Variants in SLC23A2 observed in about 807,000 individuals in gnomAD.
SLC23A2 encodes the protein solute carrier family 23 member 2.
A neutral mutation model predicts 73.3 loss-of-function variants in SLC23A2; 36 were observed. The observed-to-expected ratio is 0.49, with a 90% CI of 0.38 to 0.65. SLC23A2 has a LOEUF of 0.65. SLC23A2 is among the 30% of genes least tolerant of loss of function. The pLI is 0.00. For synonymous variants in SLC23A2, 343 were observed against 327.3 expected (o/e 1.05, Z -0.52); for missense variants, 507 against 841.6 (o/e 0.60, Z 4.92).
intron 2 of SLC23A2, among the ~76,000 whole-genome samples, chr20:4,940,829 G>T (rs1046754399): frequency 6.6e-6 from 1 of 152,168 alleles, no homozygotes; most frequent in African/African-American, 2.4e-5. Flanking sequence ...GACTTGGGGG[G>T]GCGGTCAATG....
intron 4 of SLC23A2, among the ~76,000 whole-genome samples, chr20:4,911,249 G>A (rs535564664): frequency 2.1e-4 from 32 of 152,262 alleles, no homozygotes; most frequent in Non-Finnish European, 3.4e-4. Context: ...TTGGAACCCC[G>A]CACTTCTGGA....
chr20:4,865,746 C>T (rs566633254), intron 13 of SLC23A2, among the ~76,000 whole-genome samples: 3 of 152,296 alleles, frequency 2.0e-5, no homozygotes, highest in East Asian at 1.9e-4. Flanking sequence ...CAACCACAGA[C>T]GCTTAACTCC....
At chr20:4,992,050 C>G (rs2087934385) in intron 1 of SLC23A2, among the ~76,000 whole-genome samples, 2 of 152,036 alleles carry the variant, frequency 1.3e-5, no homozygotes, top group East Asian at 3.9e-4. Flanking sequence ...GCAGAGGTTG[C>G]AGTGAGCCGA....
chr20:4,897,488 G>A (rs567694970), intron 6 of SLC23A2, among the ~76,000 whole-genome samples: 18 of 152,256 alleles, frequency 1.2e-4, no homozygotes, highest in South Asian at 8.3e-4. Flanking sequence ...GGCATGGGGC[G>A]CACAGACACG....
At chr20:4,971,561 C>G (rs112673280) in intron 1 of SLC23A2, among the ~76,000 whole-genome samples, 1 of 148,990 alleles carries the variant, frequency 6.7e-6, no homozygotes, top group African/African-American at 2.5e-5. Context: ...ATGGGAGGAT[C>G]ACTTGAGGCC....
At chr20:4,950,731 A>C (rs900337718) in intron 2 of SLC23A2, among the ~76,000 whole-genome samples, 6 of 151,980 alleles carry the variant, frequency 3.9e-5, no homozygotes, top group African/African-American at 1.4e-4. Context: ...CAAATCCAGA[A>C]AGGGAACTCG....
At chr20:4,897,551 A>G (rs1413299014) in intron 6 of SLC23A2, among the ~76,000 whole-genome samples, 1 of 152,308 alleles carries the variant, frequency 6.6e-6, no homozygotes, top group African/African-American at 2.4e-5. Context: ...CCATCCCAGT[A>G]GGGTGTCAAA....
chr20:4,888,050 T>C (rs866214515), intron 6 of SLC23A2, among the ~76,000 whole-genome samples: 40 of 152,216 alleles, frequency 2.6e-4, no homozygotes, highest in African/African-American at 8.7e-4. Context: ...CCTGTCGTAC[T>C]CATGTGACCA....
intron 1 of SLC23A2, among the ~76,000 whole-genome samples, chr20:4,980,938 A>C (rs2087717370): frequency 6.6e-6 from 1 of 152,206 alleles, no homozygotes; most frequent in Admixed American, 6.5e-5. Context: ...TAATCTCTCT[A>C]AGACAGGACA....
intron 6 of SLC23A2, among the ~76,000 whole-genome samples, chr20:4,898,538 G>A (rs551039092): frequency 1.1e-3 from 169 of 152,314 alleles, no homozygotes; most frequent in African/African-American, 3.8e-3. Context: ...ACAGCTGGCC[G>A]TGAACTTAGG....
intron 15 of SLC23A2, among the ~76,000 whole-genome samples, chr20:4,861,275 A>C (rs764983268): frequency 1.3e-5 from 2 of 152,158 alleles, no homozygotes; most frequent in Non-Finnish European, 2.9e-5. Flanking sequence ...GGGGTAATGA[A>C]ATGTTTTGGA....
chr20:4,884,794 G>A lies in SLC23A2; in HGVS notation c.601C>T (p.Leu201=). The A allele has an allele frequency of 1.3e-6, 2 of 1,583,846 alleles. No homozygotes were observed. Among genetic ancestry groups the A allele is most frequent in the Non-Finnish European group, 1.7e-6 (2 of 1,170,722 alleles). The change falls in exon 8 of 17, where the codon CTG becomes TTG. Residue 201 remains leucine, a synonymous_variant. Transcript: ENST00000338244. ...TACCAGATGTGTTCTGTGTGCAACA[G>A]CTCTGCTGTTCCATTGGCAACTGAA... The part of the protein sequence containing the change: ...DVSVANGTAE[L]LHTEHIWYPR...
chr20:4,960,955 G>C (rs1210953834), intron 2 of SLC23A2, among the ~76,000 whole-genome samples: 1 of 152,118 alleles, frequency 6.6e-6, no homozygotes, highest in East Asian at 1.9e-4. Flanking sequence ...ATCTTTAAAA[G>C]GATATACAGT....
intron 1 of SLC23A2, among the ~76,000 whole-genome samples, chr20:5,006,907 A>T (rs899627558): frequency 7.9e-5 from 12 of 151,988 alleles, no homozygotes; most frequent in Admixed American, 7.9e-4. Flanking sequence ...GACATAACAG[A>T]TCTAGGGCTG....
In SLC23A2 at chr20:4,863,972, CTG is replaced by C. The variant is rs1278075508; in HGVS notation, c.1357-1067_1357-1066del. Reference sequence around the variant, plus strand: ...ACCAGTCATGGGTTGGGATGGCCCTCTGTGTCTCAACGCAAAGGCCACACTTT... The same window carrying C: ...ACCAGTCATGGGTTGGGATGGCCCTCTGTCTCAACGCAAAGGCCACACTTT... On this transcript the variant is annotated intron_variant, in intron 13 of 16. Coordinates refer to ENST00000338244, the MANE Select transcript of SLC23A2 (RefSeq NM_005116.6). The surrounding 1 kb of genome is among the most constrained non-coding windows in gnomAD (Gnocchi z 4.8). 6.6e-6 allele frequency among the ~76,000 whole-genome samples: 1 copy of C among 152,198 alleles called. No homozygotes were observed. Among genetic ancestry groups the C allele is most frequent in the African/African-American group, 2.4e-5 (1 of 41,460 alleles).
At chr20:4,871,210 G>C (rs1930433806) in intron 11 of SLC23A2, among the ~76,000 whole-genome samples, 1 of 152,188 alleles carries the variant, frequency 6.6e-6, no homozygotes, top group Admixed American at 6.5e-5. Context: ...CTCTCATGCA[G>C]GAGCCAACAA....
intron 1 of SLC23A2, among the ~76,000 whole-genome samples, chr20:5,007,793 T>C (rs958646632): frequency 6.6e-6 from 1 of 152,218 alleles, no homozygotes; most frequent in Non-Finnish European, 1.5e-5. Context: ...TACTAATATG[T>C]GGTCTTTTGT....
intron 6 of SLC23A2, 170 bp from the exon 7 acceptor site, chr20:4,886,079 C>G: frequency 1.9e-6 from 1 of 536,036 alleles, no homozygotes. Context: ...CATGCAGCCA[C>G]AGCCAGTGGC....
chr20:4,995,280 G>T (rs957415607), intron 1 of SLC23A2, among the ~76,000 whole-genome samples: 2 of 152,124 alleles, frequency 1.3e-5, no homozygotes, highest in African/African-American at 4.8e-5. Flanking sequence ...AGCCAGGAAT[G>T]AACCACAGGC....
Sources: allele counts gnomAD v4.1 joint callset (sites outside exome capture counted in the v4.1 genomes callset), GRCh38; gene constraint gnomAD v4.1.1; non-coding constraint Gnocchi (gnomAD v3.1); transcripts MANE v1.5; gene names NCBI Gene and HGNC (gene_info 2026-07-23, HGNC 2026-07-21).